Variants in METTL14 observed in about 807,000 individuals in gnomAD.
METTL14 encodes methyltransferase 14, N6-adenosine-methyltransferase non-catalytic subunit, also known as N(6)-adenosine-methyltransferase non-catalytic subunit METTL14.
In METTL14, 32 loss-of-function variants were observed where a neutral mutation model predicts 62.4. The ratio of observed to expected loss-of-function variants is 0.51; its 90% CI spans 0.39 to 0.69. The LOEUF is 0.69. Ranked by LOEUF, METTL14 falls within the 30% of genes least tolerant of loss-of-function variation. The pLI is 0.00. For missense variants in METTL14, 340 were observed against 551.9 expected, an observed-to-expected ratio of 0.62 and a Z score of 3.85; for synonymous variants, 150 against 180.0, an observed-to-expected ratio of 0.83 and a Z score of 1.34.
At position 118,710,417 on chromosome 4, in the gene METTL14, C is replaced by A; in HGVS notation, c.*115C>A. 9.7e-7 allele frequency: 1 copy of A among 1,025,808 alleles called. No homozygotes were observed. Among genetic ancestry groups the A allele is most frequent in the Non-Finnish European group, 1.4e-6 (1 of 716,024 alleles). The allele number at this position is 1,025,808 out of a possible 1,614,324, so 63.5% of individuals were successfully genotyped here. On this transcript the variant is annotated 3_prime_UTR_variant, in exon 11 of 11. Transcript: ENST00000388822. Reference sequence around the variant, plus strand: ...TCCAGCTTGCACTTTGCTTTAATTTCTCTGAGCTGCAAGAATGTCTTAGCG... The same window carrying A: ...TCCAGCTTGCACTTTGCTTTAATTTATCTGAGCTGCAAGAATGTCTTAGCG...
chr4:118,692,587 A>G (rs1337857062), intron 5 of METTL14, among the ~76,000 whole-genome samples: 1 of 151,986 alleles, frequency 6.6e-6, no homozygotes, highest in Non-Finnish European at 1.5e-5. Context: ...TTCTTTTTCT[A>G]TAATCGATAT....
intron 3 of METTL14, among the ~76,000 whole-genome samples, chr4:118,690,677 CAAAAA>C (rs1046821905): frequency 1.3e-5 from 1 of 74,956 alleles, no homozygotes; most frequent in Non-Finnish European, 2.6e-5. Flanking sequence ...GACTCTGTCT[CAAAAA>C]AAAAAAAAAA....
Position 118,710,333 on chromosome 4 carries a change from C to A in METTL14, c.*31C>A. 6.4e-7 allele frequency: 1 copy of A among 1,552,748 alleles called. No individual in the cohort carries two copies. The highest frequency in any genetic ancestry group is 8.7e-7 in the Non-Finnish European group (1 of 1,150,928). The stretch of plus-strand genomic sequence containing the variant: ...GAAGACATTGAACCTATTCATCCTC[C>A]TCTAACCTTCTTTATTGTAATTAAA... On this transcript the variant is annotated 3_prime_UTR_variant, in exon 11 of 11. Transcript: ENST00000388822.
intron 7 of METTL14, 125 bp from the exon 8 acceptor site, chr4:118,700,425 C>T: frequency 1.5e-6 from 1 of 671,398 alleles, no homozygotes. Flanking sequence ...TCTGTTAGTT[C>T]CTAATGGAAA....
Position 118,713,248 on chromosome 4 carries a change from T to C in METTL14, c.*2946T>C, listed in dbSNP as rs963988296. On this transcript the variant is annotated 3_prime_UTR_variant, in exon 11 of 11. Transcript: ENST00000388822. ...TTATTCTGAGGCCAGGTCAGTGATA[T>C]GCTATAGTTTCATTTAAGTTAATGG... is the stretch of plus-strand genomic sequence containing the variant. 1 of 152,218 alleles carries C rather than the reference T, an allele frequency of 6.6e-6. No individual in the cohort carries two copies. The highest frequency in any genetic ancestry group is 1.5e-5 in the Non-Finnish European group (1 of 68,030). The allele number at this position is 152,218 out of a possible 1,614,324, so 9.4% of individuals were successfully genotyped here. A position where few individuals can be genotyped will look rare whatever the true frequency, so the allele number is the denominator to read the frequency against.
At position 118,710,282 on chromosome 4, in the gene METTL14, G is replaced by A. The variant is rs777402775; in HGVS notation, c.1351G>A (p.Gly451Ser). 12 of 1,612,896 alleles carry A rather than the reference G, an allele frequency of 7.4e-6. No individual in the cohort carries two copies. Among genetic ancestry groups the A allele is most frequent in the Non-Finnish European group, 9.3e-6 (11 of 1,179,462 alleles). ...AGGGGGCCGTGGAGGAGCACACAGA[G>A]GTGGCTTTCCACCTCGATAATTGTT... is the stretch of plus-strand genomic sequence containing the variant. ...FRGGRGGAHR[G>S]GFPPR Residue 451 changes from glycine to serine, a missense_variant, in exon 11 of 11, where the codon GGT becomes AGT. This residue lies in a region of METTL14 where 44 missense variants were observed against 56.4 expected (regional missense o/e 0.78). Coordinates refer to ENST00000388822, the MANE Select transcript of METTL14 (RefSeq NM_020961.4).
rs188207932 is a variant in METTL14, at chr4:118,712,477, G to A, written c.*2175G>A. ...ACTAAAAATACAAAATTAGCTGGGCGTGGTGGCATGTGCACGCCTGTAATC... is the reference window on the plus strand; with the variant it reads ...ACTAAAAATACAAAATTAGCTGGGCATGGTGGCATGTGCACGCCTGTAATC... On this transcript the variant is annotated 3_prime_UTR_variant, in exon 11 of 11. Transcript: ENST00000388822. The A allele has an allele frequency of 1.3e-5, 2 of 152,310 alleles. No homozygotes were observed. The highest frequency in any genetic ancestry group is 6.5e-5 in the Admixed American group (1 of 15,304). 9.4% of individuals were successfully genotyped at this position (152,310 alleles called of 1,614,324 possible).
At chr4:118,709,935 T>C (rs1579078854) in intron 10 of METTL14, 63 bp from the exon 11 acceptor site, 1 of 1,474,554 alleles carries the variant, frequency 6.8e-7, no homozygotes, top group Non-Finnish European at 9.2e-7. Flanking sequence ...TGAACTAGCT[T>C]CTAAAGAATT....
chr4:118,710,205 G>A lies in METTL14; in HGVS notation c.1274G>A (p.Arg425His), dbSNP rs764777806. Residue 425 changes from arginine to histidine, a missense_variant, in exon 11 of 11, where the codon CGT becomes CAT. This residue lies in a region of METTL14 where 44 missense variants were observed against 56.4 expected (regional missense o/e 0.78). Coordinates refer to ENST00000388822, the MANE Select transcript of METTL14 (RefSeq NM_020961.4). ...GGAAGAGGTGGAACTTCTGCTGGCCGTGGACGAGAAAGAAATAGATCTAAC... is the reference window on the plus strand; with the variant it reads ...GGAAGAGGTGGAACTTCTGCTGGCCATGGACGAGAAAGAAATAGATCTAAC... Reference protein sequence around the residue: ...GGGRGGTSAGRGRERNRSNFR... With the variant: ...GGGRGGTSAGHGRERNRSNFR... 21 of 1,614,074 alleles carry A rather than the reference G, an allele frequency of 1.3e-5. No individual in the cohort carries two copies. The highest frequency in any genetic ancestry group is 9.3e-5 in the African/African-American group (7 of 74,928).
chr4:118,705,709 AC>A lies in METTL14; in HGVS notation c.956del (p.Pro319LeufsTer6). On this transcript the variant is annotated frameshift_variant, in exon 10 of 11. Coordinates refer to ENST00000388822, the MANE Select transcript of METTL14 (RefSeq NM_020961.4). LOFTEE classifies it high-confidence loss of function. The stretch of plus-strand genomic sequence containing the variant: ...ACATTGACTTAATTATCACAGAAGA[AC>A]CTGAAATTGGCAATATAGAAAAACC... ...VDIDLIITEE[P>X]EIGNIEKPVE... 6.2e-7 allele frequency: 1 copy of A among 1,614,110 alleles called. No individual in the cohort carries two copies. Among genetic ancestry groups the A allele is most frequent in the Non-Finnish European group, 8.5e-7 (1 of 1,179,990 alleles).
chr4:118,710,427 C>G lies in METTL14; in HGVS notation c.*125C>G. On this transcript the variant is annotated 3_prime_UTR_variant, in exon 11 of 11. Transcript: ENST00000388822. Reference sequence around the variant, plus strand: ...ACTTTGCTTTAATTTCTCTGAGCTGCAAGAATGTCTTAGCGAGCCTTGCTT... The same window carrying G: ...ACTTTGCTTTAATTTCTCTGAGCTGGAAGAATGTCTTAGCGAGCCTTGCTT... 1.1e-6 allele frequency: 1 copy of G among 947,686 alleles called. No individual in the cohort carries two copies. Among genetic ancestry groups the G allele is most frequent in the Non-Finnish European group, 1.5e-6 (1 of 646,740 alleles). The allele number at this position is 947,686 out of a possible 1,614,324, so 58.7% of individuals were successfully genotyped here.
At chr4:118,707,126 A>C (rs1490184816) in intron 10 of METTL14, among the ~76,000 whole-genome samples, 1 of 151,800 alleles carries the variant, frequency 6.6e-6, no homozygotes, top group African/African-American at 2.4e-5. Context: ...CTGTCTTTCT[A>C]TCTGAAGTAT....
At chr4:118,709,823 C>T (rs575064329) in intron 10 of METTL14, among the ~76,000 whole-genome samples, 175 bp from the exon 11 acceptor site, 1 of 152,044 alleles carries the variant, frequency 6.6e-6, no homozygotes, top group African/African-American at 2.4e-5. Context: ...AAGATATATA[C>T]CTGTGAAATC....
At chr4:118,686,495 T>C (rs1364521810) in intron 1 of METTL14, 1 of 422,210 alleles carries the variant, frequency 2.4e-6, no homozygotes, top group Non-Finnish European at 4.8e-6. Context: ...GTAATGAAAC[T>C]TGGTTTTAGT....
rs993868310 is a variant in METTL14 at position 118,685,473 on chromosome 4, T to C, written c.-62T>C. On this transcript the variant is annotated 5_prime_UTR_variant, in exon 1 of 11. Transcript: ENST00000388822. ...TTGTTCCACAGACTCGGAAGAAAGG[T>C]TGGATAAGAGTTCACTGGAGATTGA... 8.1e-6 allele frequency: 12 copies of C among 1,487,296 alleles called. No homozygotes were observed. Among genetic ancestry groups the C allele is most frequent in the African/African-American group, 5.5e-5 (4 of 72,544 alleles). 92.1% of individuals were successfully genotyped at this position (1,487,296 alleles called of 1,614,324 possible).
Position 118,710,337 on chromosome 4 carries a change from A to T in METTL14, c.*35A>T, listed in dbSNP as rs370219944. On this transcript the variant is annotated 3_prime_UTR_variant, in exon 11 of 11. Transcript: ENST00000388822. ...ACATTGAACCTATTCATCCTCCTCT[A>T]ACCTTCTTTATTGTAATTAAATTTC... 9.7e-5 allele frequency: 150 copies of T among 1,547,854 alleles called. No homozygotes were observed. Among genetic ancestry groups the T allele is most frequent in the Non-Finnish European group, 1.3e-4 (146 of 1,148,450 alleles).
Position 118,705,797 on chromosome 4 carries a change from G to T in METTL14, c.1042G>T (p.Gly348Ter). 6.2e-7 allele frequency: 1 copy of T among 1,613,778 alleles called. No homozygotes were observed. The highest frequency in any genetic ancestry group is 1.1e-5 in the South Asian group (1 of 91,034). Residue 348 changes from glycine to a stop codon, truncating the protein, a stop_gained, in exon 10 of 11, where the codon GGA becomes TGA. Coordinates refer to ENST00000388822, the MANE Select transcript of METTL14 (RefSeq NM_020961.4). LOFTEE classifies it high-confidence loss of function. ...TGGTAGAAGACGCCTTCATCTATTTGGAAGAGATAGTACAATTCGACCAGG... is the reference window on the plus strand; with the variant it reads ...TGGTAGAAGACGCCTTCATCTATTTTGAAGAGATAGTACAATTCGACCAGG... ...CLGRRRLHLFGRDSTIRPGWL... is the reference protein window; with the variant it reads ...CLGRRRLHLF
chr4:118,698,348 G>C (rs1724482712), intron 7 of METTL14, among the ~76,000 whole-genome samples: 1 of 151,350 alleles, frequency 6.6e-6, no homozygotes, highest in Non-Finnish European at 1.5e-5. Context: ...AGCTACTCGG[G>C]AGGCTGAGGC....
intron 1 of METTL14, among the ~76,000 whole-genome samples, chr4:118,686,006 T>C (rs1190864980): frequency 2.6e-5 from 4 of 152,228 alleles, no homozygotes; most frequent in Non-Finnish European, 5.9e-5. Flanking sequence ...GAAATACGTT[T>C]ACAGTATTTT....
Sources: gnomAD v4.1 joint callset for allele counts (sites outside exome capture counted in the v4.1 genomes callset) on GRCh38, gnomAD v4.1.1 for gene constraint, gnomAD v4.1.1 regional missense constraint, MANE v1.5 for transcripts, NCBI Gene and HGNC (gene_info 2026-07-23, HGNC 2026-07-21) for gene names.